The following GOLT1A variants were observed in gnomAD, a reference collection of about 807,000 sequenced individuals.
The protein encoded by GOLT1A is golgi transport 1A, also known as vesicle transport protein GOT1A.
In GOLT1A, 10 loss-of-function variants were observed where a neutral mutation model predicts 16.1. That is an observed-to-expected ratio of 0.62 (90% CI 0.38 to 1.05). The LOEUF (loss-of-function observed/expected upper bound fraction) is 1.05. GOLT1A is among the 50% of genes least tolerant of loss of function. The pLI is 0.01. For missense variants in GOLT1A, 137 were observed against 165.7 expected, an observed-to-expected ratio of 0.83 and a Z score of 0.95; for synonymous variants, 60 against 67.9, an observed-to-expected ratio of 0.88 and a Z score of 0.57.
intron 1 of GOLT1A, among the ~76,000 whole-genome samples, chr1:204,205,645 A>G (rs1327884076): frequency 2.6e-5 from 4 of 152,262 alleles, no homozygotes; most frequent in Non-Finnish European, 5.9e-5. Flanking sequence ...AACTGAAAGA[A>G]AATGAAACAA....
rs1658947267 is a variant in GOLT1A at position 204,200,978 on chromosome 1, C to T, written c.296+655G>A. On this transcript the variant is annotated intron_variant, in intron 3 of 4. Coordinates refer to ENST00000308302, the MANE Select transcript of GOLT1A (RefSeq NM_198447.2). ...CCTCCAGTCTTCTCTTAGACCCTAC[C>T]CATCCCTCAAGGCTTCTCTCAAGTC... is the stretch of plus-strand genomic sequence containing the variant. 2.6e-5 allele frequency among the ~76,000 whole-genome samples: 4 copies of T among 152,188 alleles called. No individual in the cohort carries two copies. The South Asian group carries it at 8.3e-4, about 32-fold the overall frequency.
chr1:204,199,207 G>C lies in GOLT1A; in HGVS notation c.348C>G (p.Pro116=), dbSNP rs1229069818. The change falls in exon 4 of 5, where the codon CCC becomes CCG. Residue 116 remains proline, a synonymous_variant. Transcript: ENST00000308302. ...FGFLGNVCNI[P]FLGALFRRLQ... is the part of the protein sequence containing the mutation. ...ATCATCTGCTTACCGCACCCAGGAA[G>C]GGGATGTTGCAGACATTGCCCAGGA... 1 of 1,600,316 alleles carries C rather than the reference G, an allele frequency of 6.2e-7. No homozygotes were observed.
chr1:204,201,575 T>C (rs1658961662), intron 3 of GOLT1A, 58 bp downstream of exon 3: 1 of 1,554,522 alleles, frequency 6.4e-7, no homozygotes, highest in East Asian at 2.3e-5. Flanking sequence ...GCTGGGGTGA[T>C]CTCAGCCACT....
rs1658964097 is a variant in GOLT1A, at chr1:204,201,683, C to T, written c.246G>A (p.Trp82Ter). The T allele has an allele frequency of 1.2e-6, 2 of 1,613,976 alleles. No homozygotes were observed. Among genetic ancestry groups the T allele is most frequent in the Admixed American group, 3.3e-5 (2 of 59,994 alleles). The change falls in exon 3 of 5, where the codon TGG becomes TGA. Residue 82 changes from tryptophan (W) to a stop codon, truncating the protein, a stop_gained. Coordinates refer to ENST00000308302, the MANE Select transcript of GOLT1A (RefSeq NM_198447.2). LOFTEE classifies it high-confidence loss of function. ...LGGVVIVLLR[W>*]PLLGMFLETY... ...TTTCCAGGAACATGCCGAGGAGGGG[C>T]CAGCGTAGGAGCACGATAACCACAC...
chr1:204,202,914 C>G lies in GOLT1A; in HGVS notation c.99G>C (p.Val33=). 6.2e-7 allele frequency: 1 copy of G among 1,614,024 alleles called. No homozygotes were observed. Among genetic ancestry groups the G allele is most frequent in the Non-Finnish European group, 8.5e-7 (1 of 1,179,962 alleles). The change falls in exon 2 of 5, where the codon GTG becomes GTC. Residue 33 remains valine (V), a synonymous_variant. Transcript: ENST00000308302. Reference sequence around the variant, plus strand: ...GACTCACGTTTCCAAAGGCCAGGAGCACGGAATCAAAGTACAGGAGTGTTC... The same window carrying G: ...GACTCACGTTTCCAAAGGCCAGGAGGACGGAATCAAAGTACAGGAGTGTTC... ...LFGTLLYFDS[V]LLAFGNLLFL...
At chr1:204,210,981 C>A (rs919160986) in intron 1 of GOLT1A, among the ~76,000 whole-genome samples, 1 of 142,756 alleles carries the variant, frequency 7.0e-6, no homozygotes, top group African/African-American at 2.6e-5. Context: ...CACCACTTAA[C>A]GCAGAAGCCC....
At chr1:204,209,551 T>G (rs764842976) in intron 1 of GOLT1A, among the ~76,000 whole-genome samples, 1 of 152,248 alleles carries the variant, frequency 6.6e-6, no homozygotes, top group Non-Finnish European at 1.5e-5. Context: ...TAGTGATTGA[T>G]AGTGTAATGA....
intron 1 of GOLT1A, among the ~76,000 whole-genome samples, chr1:204,205,794 G>A (rs150868179): frequency 6.6e-6 from 1 of 152,310 alleles, no homozygotes; most frequent in East Asian, 1.9e-4. Context: ...GAAGCCAGGT[G>A]CTCAATGGCT....
intron 1 of GOLT1A, among the ~76,000 whole-genome samples, chr1:204,212,411 G>C (rs1448957569): frequency 6.6e-6 from 1 of 152,024 alleles, no homozygotes; most frequent in Non-Finnish European, 1.5e-5. Flanking sequence ...CAGGCAGGTG[G>C]ATCACTTGAG....
chr1:204,201,944 C>A, intron 2 of GOLT1A, 133 bp from the exon 3 acceptor site: 1 of 749,704 alleles, frequency 1.3e-6, no homozygotes, highest in East Asian at 2.7e-5. Context: ...GAGGGCCATC[C>A]AGCAGTGTGG....
intron 1 of GOLT1A, among the ~76,000 whole-genome samples, chr1:204,213,458 A>G (rs1474495592): frequency 2.0e-5 from 3 of 152,184 alleles, no homozygotes; most frequent in African/African-American, 7.2e-5. Context: ...TTTAGGAGTG[A>G]GGGTATGGTG....
intron 1 of GOLT1A, among the ~76,000 whole-genome samples, chr1:204,209,591 A>G (rs1659107085): frequency 6.6e-6 from 1 of 152,248 alleles, no homozygotes. Context: ...GTCTAAGCAC[A>G]TATATGCTTT....
At chr1:204,208,796 A>G (rs893289734) in intron 1 of GOLT1A, among the ~76,000 whole-genome samples, 3 of 151,996 alleles carry the variant, frequency 2.0e-5, no homozygotes, top group African/African-American at 7.3e-5. Flanking sequence ...CTCAGAAATC[A>G]CACTAAAGAA....
intron 4 of GOLT1A, 87 bp downstream of exon 4, chr1:204,199,108 G>A (rs1273215324): frequency 2.5e-6 from 3 of 1,198,656 alleles, no homozygotes; most frequent in Non-Finnish European, 3.6e-6. Context: ...CACTGCCCCT[G>A]GGGCAGCAGT....
rs753546041 is a variant in GOLT1A at position 204,213,907 on chromosome 1, G to A, written c.-1C>T. Reference sequence around the variant, plus strand: ...TCTGCCATTCGGTGATGGAGATCATGCCGCACTCAGCCTGGGGGGCTTTCC... The same window carrying A: ...TCTGCCATTCGGTGATGGAGATCATACCGCACTCAGCCTGGGGGGCTTTCC... On this transcript the variant is annotated 5_prime_UTR_variant, in exon 1 of 5. Transcript: ENST00000308302. 8 of 1,613,218 alleles carry A rather than the reference G, an allele frequency of 5.0e-6. No homozygotes were observed. Among genetic ancestry groups the A allele is most frequent in the Non-Finnish European group, 6.8e-6 (8 of 1,179,802 alleles).
At chr1:204,206,235 A>T (rs1347795876) in intron 1 of GOLT1A, among the ~76,000 whole-genome samples, 1 of 152,224 alleles carries the variant, frequency 6.6e-6, no homozygotes. Flanking sequence ...TTCTCTCAAC[A>T]TATCACCCAG....
chr1:204,213,260 C>G lies in GOLT1A; in HGVS notation c.25+622G>C, dbSNP rs1659166597. Among the ~76,000 whole-genome samples, 7 of 152,300 alleles carry G rather than the reference C, an allele frequency of 4.6e-5. No homozygotes were observed. The South Asian group carries it at 1.5e-3, about 32-fold the overall frequency. ...TCTATATCCAACACAGTGCTTGGCACACAGCAGAGACAAATCTGTTGAGTG... is the reference window on the plus strand; with the variant it reads ...TCTATATCCAACACAGTGCTTGGCAGACAGCAGAGACAAATCTGTTGAGTG... On this transcript the variant is annotated intron_variant, in intron 1 of 4. Transcript: ENST00000308302.
At chr1:204,208,556 C>G (rs1294327470) in intron 1 of GOLT1A, among the ~76,000 whole-genome samples, 1 of 141,462 alleles carries the variant, frequency 7.1e-6, no homozygotes, top group African/African-American at 2.6e-5. Flanking sequence ...GCATTCGCAG[C>G]AACCTGGATG....
At chr1:204,202,682 G>A (rs1384907274) in intron 2 of GOLT1A, among the ~76,000 whole-genome samples, 2 of 152,016 alleles carry the variant, frequency 1.3e-5, no homozygotes, top group South Asian at 2.1e-4. Flanking sequence ...TGGTGCCAGC[G>A]GGCTCTGCGT....
Sources: allele counts gnomAD v4.1 joint callset (sites outside exome capture counted in the v4.1 genomes callset), GRCh38; gene constraint gnomAD v4.1.1; transcripts MANE v1.5; gene names NCBI Gene and HGNC (gene_info 2026-07-23, HGNC 2026-07-21).